MBNL1: variants seen among roughly 807,000 people sequenced by gnomAD.
MBNL1 encodes the protein muscleblind-like protein 1.
A neutral mutation model predicts 42.2 loss-of-function variants in MBNL1; 8 were observed. That is an observed-to-expected ratio of 0.19 (90% CI 0.11 to 0.34). The LOEUF is 0.34. MBNL1 is among the 10% of genes least tolerant of loss of function. The probability of loss-of-function intolerance (pLI) is 1.00; values close to 1 mark genes in which losing one functional copy is unlikely to be tolerated. For missense variants in MBNL1, 309 were observed against 495.3 expected, an observed-to-expected ratio of 0.62 and a Z score of 3.57; for synonymous variants, 169 against 173.9, an observed-to-expected ratio of 0.97 and a Z score of 0.22.
chr3:152,411,123 C>T (rs1415713508), intron 2 of MBNL1, among the ~76,000 whole-genome samples: 4 of 152,160 alleles, frequency 2.6e-5, no homozygotes, highest in Admixed American at 6.5e-5. Context: ...TCACTAACTT[C>T]CACAAGGTCA....
At chr3:152,324,783 C>A (rs923428906) in intron 2 of MBNL1, among the ~76,000 whole-genome samples, 1 of 152,012 alleles carries the variant, frequency 6.6e-6, no homozygotes, top group African/African-American at 2.4e-5. Flanking sequence ...GCCCAAATGT[C>A]CTTATCTGTA....
At chr3:152,246,208 T>C (rs1576760324) in intron 2 of MBNL1, among the ~76,000 whole-genome samples, 1 of 152,194 alleles carries the variant, frequency 6.6e-6, no homozygotes, top group African/African-American at 2.4e-5. Context: ...ATATGTAGTA[T>C]GGTAATATAC....
At chr3:152,324,169 A>T (rs1316902615) in intron 2 of MBNL1, among the ~76,000 whole-genome samples, 1 of 152,226 alleles carries the variant, frequency 6.6e-6, no homozygotes, top group Non-Finnish European at 1.5e-5. Context: ...AGAATACTTT[A>T]TAAATGTCAA....
At chr3:152,389,210 T>A (rs2097571156) in intron 2 of MBNL1, among the ~76,000 whole-genome samples, 1 of 152,144 alleles carries the variant, frequency 6.6e-6, no homozygotes, top group South Asian at 2.1e-4. Context: ...GGCCTCAGCC[T>A]CCAGAGTAGC....
chr3:152,448,036 CTCT>C (rs1478194094), intron 6 of MBNL1, among the ~76,000 whole-genome samples: 1 of 152,072 alleles, frequency 6.6e-6, no homozygotes, highest in Non-Finnish European at 1.5e-5. Context: ...AAATATAGTT[CTCT>C]TTTTTTCTCT....
intron 3 of MBNL1, among the ~76,000 whole-genome samples, chr3:152,423,158 G>T (rs936568082): frequency 9.9e-5 from 15 of 152,142 alleles, no homozygotes; most frequent in Non-Finnish European, 2.2e-4. Context: ...CCAGCAGCTG[G>T]TTTTTTGAAA....
chr3:152,316,395 T>A (rs556183230), intron 2 of MBNL1, among the ~76,000 whole-genome samples: 1 of 152,308 alleles, frequency 6.6e-6, no homozygotes, highest in East Asian at 1.9e-4. Context: ...AGTGATCAGC[T>A]ATACTAATAG....
intron 2 of MBNL1, chr3:152,340,393 G>T: frequency 9.5e-7 from 1 of 1,050,040 alleles, no homozygotes; most frequent in Non-Finnish European, 1.4e-6. Context: ...ACCTCTGTAA[G>T]ATTGTAATGA....
intron 2 of MBNL1, chr3:152,340,837 G>C: frequency 1.9e-6 from 3 of 1,613,872 alleles, no homozygotes; most frequent in Non-Finnish European, 1.7e-6. Flanking sequence ...CCCACCTAAA[G>C]CAGCCAGTGC....
intron 1 of MBNL1, among the ~76,000 whole-genome samples, chr3:152,281,058 G>A (rs923510081): frequency 7.9e-5 from 12 of 152,072 alleles, no homozygotes; most frequent in African/African-American, 1.2e-4. Flanking sequence ...CAAAAGACTC[G>A]AGCTTTAGCC....
At chr3:152,346,493 GTTA>G (rs1208255228) in intron 2 of MBNL1, among the ~76,000 whole-genome samples, 1 of 151,952 alleles carries the variant, frequency 6.6e-6, no homozygotes, top group Non-Finnish European at 1.5e-5. Context: ...TGAGAATTAA[GTTA>G]TTATCTTACA....
intron 2 of MBNL1, among the ~76,000 whole-genome samples, chr3:152,315,029 T>C (rs2069832319): frequency 6.6e-6 from 1 of 152,248 alleles, no homozygotes; most frequent in African/African-American, 2.4e-5. Context: ...TGACAATGAG[T>C]TAATTGTATT....
chr3:152,447,574 T>C, intron 5 of MBNL1, 46 bp from the exon 6 acceptor site: 1 of 1,531,698 alleles, frequency 6.5e-7, no homozygotes, highest in Non-Finnish European at 8.9e-7. Context: ...TTTTTTCTTT[T>C]TCTCTTTTTA....
chr3:152,329,046 G>A (rs2082320144), intron 2 of MBNL1, among the ~76,000 whole-genome samples: 1 of 152,034 alleles, frequency 6.6e-6, no homozygotes. Flanking sequence ...TGACAGAGTA[G>A]AATAACAGGA....
chr3:152,330,453 TC>T (rs2083573065), intron 2 of MBNL1, among the ~76,000 whole-genome samples: 1 of 151,998 alleles, frequency 6.6e-6, no homozygotes, highest in Non-Finnish European at 1.5e-5. Context: ...CATTTTTATA[TC>T]AGGAAAAAAA....
Position 152,312,300 on chromosome 3 carries a change from A to G in MBNL1, c.174+11933A>G, listed in dbSNP as rs183743072. Among the ~76,000 whole-genome samples, 265 of 152,154 alleles carry G rather than the reference A, an allele frequency of 1.7e-3. 2 individuals carry two copies. The highest frequency in any genetic ancestry group is 5.9e-3 in the African/African-American group (243 of 41,496). On this transcript the variant is annotated intron_variant, in intron 2 of 9. Transcript: ENST00000324210. The stretch of plus-strand genomic sequence containing the variant: ...TATTTTTATGGAACAGTTCATTTGG[A>G]TGAATGGTAGCTTGAACAGAAACTT...
At chr3:152,261,221 T>C (rs1034917626) in intron 2 of MBNL1, among the ~76,000 whole-genome samples, 2 of 152,162 alleles carry the variant, frequency 1.3e-5, no homozygotes, top group African/African-American at 2.4e-5. Flanking sequence ...GCAGCCGGCC[T>C]ATCCAAAATG....
At chr3:152,434,440 T>C (rs369372553) in intron 4 of MBNL1, among the ~76,000 whole-genome samples, 10 of 152,358 alleles carry the variant, frequency 6.6e-5, no homozygotes, top group Middle Eastern at 3.4e-3. Flanking sequence ...ACATTTTCTT[T>C]ATCCAGGCTA....
In MBNL1 at chr3:152,308,153, C is replaced by T. The variant is rs929073490; in HGVS notation, c.174+7786C>T. Among the ~76,000 whole-genome samples the T allele has an allele frequency of 4.6e-5, 7 of 151,970 alleles. 1 individual carries two copies. Among genetic ancestry groups the T allele is most frequent in the Non-Finnish European group, 8.8e-5 (6 of 68,004 alleles). On this transcript the variant is annotated intron_variant, in intron 2 of 9. Coordinates refer to ENST00000324210, the MANE Select transcript of MBNL1 (RefSeq NM_021038.5). ...GTCAACCCTGAGAAGCCAAAGTAGC[C>T]CAGAGGATGCTTGAGTTATAGTTCA...
Sources: allele counts gnomAD v4.1 joint callset (sites outside exome capture counted in the v4.1 genomes callset), GRCh38; gene constraint gnomAD v4.1.1; transcripts MANE v1.5; gene names NCBI Gene and HGNC (gene_info 2026-07-23, HGNC 2026-07-21).